The following DLC1 variants were observed in gnomAD, a reference collection of about 807,000 sequenced individuals.
DLC1 encodes the protein DLC1 Rho GTPase activating protein, also known as rho GTPase-activating protein 7.
In DLC1, 54 loss-of-function variants were observed where a neutral mutation model predicts 140.3. The observed-to-expected ratio is 0.38, with a 90% CI of 0.31 to 0.48. DLC1 has a LOEUF of 0.48. Among genes scored for constraint, DLC1 ranks in the 20% least tolerant of loss-of-function variants. DLC1 has a pLI of 0.96. For missense variants in DLC1, 2,536 were observed against 1,907.0 expected (o/e 1.33, Z -6.14); for synonymous variants, 986 against 728.1 (o/e 1.35, Z -5.70).
At chr8:13,550,312 T>G (rs1420717685) in intron 1 of DLC1, among the ~76,000 whole-genome samples, 1 of 152,124 alleles carries the variant, frequency 6.6e-6, no homozygotes, top group Non-Finnish European at 1.5e-5. Flanking sequence ...AAGAAGGTCC[T>G]TGCTTCCCCT....
chr8:13,472,823 G>T (rs1800270328), intron 2 of DLC1, among the ~76,000 whole-genome samples: 3 of 152,172 alleles, frequency 2.0e-5, no homozygotes, highest in African/African-American at 7.2e-5. Context: ...CAAGTGCTGT[G>T]TAAGTATATA....
At chr8:13,543,229 C>CT (rs577945564) in intron 1 of DLC1, among the ~76,000 whole-genome samples, 3 of 152,130 alleles carry the variant, frequency 2.0e-5, no homozygotes, top group Admixed American at 1.3e-4. Context: ...AGTAGGAAAT[C>CT]TTTTTTTGTA....
chr8:13,090,851 T>A (rs1485038803), intron 14 of DLC1, among the ~76,000 whole-genome samples: 1 of 150,882 alleles, frequency 6.6e-6, no homozygotes, highest in Admixed American at 6.6e-5. Flanking sequence ...TGTTACCTAG[T>A]GGAGTGCAGT....
chr8:13,531,154 T>C (rs921882666), intron 1 of DLC1, among the ~76,000 whole-genome samples: 5 of 152,178 alleles, frequency 3.3e-5, no homozygotes, highest in Non-Finnish European at 7.3e-5. Flanking sequence ...TTGCTCACCA[T>C]CTTCATCTTG....
At chr8:13,342,436 T>C (rs372889157) in intron 4 of DLC1, 1 of 152,202 alleles carries the variant, frequency 6.6e-6, no homozygotes, top group Admixed American at 6.5e-5. Context: ...AGTCTAGATA[T>C]TGCTGTGAAA....
chr8:13,353,781 C>T (rs148052954), intron 4 of DLC1, among the ~76,000 whole-genome samples: 15 of 151,654 alleles, frequency 9.9e-5, no homozygotes, highest in African/African-American at 3.4e-4. Flanking sequence ...TGCTTGAACC[C>T]GGGAGGCAGA....
intron 4 of DLC1, among the ~76,000 whole-genome samples, chr8:13,349,283 G>A (rs141611482): frequency 1.7e-3 from 251 of 152,098 alleles, no homozygotes; most frequent in African/African-American, 5.3e-3. Flanking sequence ...AGGAATGGAG[G>A]GTATGGCTTT....
chr8:13,221,986 T>G (rs1182012283), intron 5 of DLC1, among the ~76,000 whole-genome samples: 1 of 144,744 alleles, frequency 6.9e-6, no homozygotes, highest in Non-Finnish European at 1.5e-5. Context: ...TTATATATTA[T>G]ATAATATATA....
At chr8:13,220,757 A>G (rs907213732) in intron 5 of DLC1, among the ~76,000 whole-genome samples, 4 of 152,138 alleles carry the variant, frequency 2.6e-5, no homozygotes, top group Non-Finnish European at 5.9e-5. Flanking sequence ...TTAGGAACTA[A>G]ATATGTATAA....
At chr8:13,288,195 T>A (rs957438386) in intron 5 of DLC1, among the ~76,000 whole-genome samples, 1 of 152,214 alleles carries the variant, frequency 6.6e-6, no homozygotes, top group African/African-American at 2.4e-5. Context: ...TGATCACAGT[T>A]GTTATCTAAA....
rs113799968 is a variant in DLC1 at position 13,221,369 on chromosome 8, C to CT, written c.1348+83899dup. Among the ~76,000 whole-genome samples the CT allele has an allele frequency of 8.9e-3, 1,252 of 141,390 alleles. 17 individuals carry two copies. Among genetic ancestry groups the CT allele is most frequent in the African/African-American group, 0.027 (1,064 of 38,858 alleles). 92.8% of individuals were successfully genotyped at this position (141,390 alleles called of 152,430 possible). A position where few individuals can be genotyped will look rare whatever the true frequency, so the allele number is the denominator to read the frequency against. ...AAATTGCTTCCAAAGGTTTTCTTTT[C>CT]TTTTTTTTTTTTTTGTTTTGAGACG... On this transcript the variant is annotated intron_variant, in intron 5 of 17. Transcript: ENST00000276297.
At chr8:13,170,871 C>G (rs114898471) in intron 5 of DLC1, among the ~76,000 whole-genome samples, 1 of 151,974 alleles carries the variant, frequency 6.6e-6, no homozygotes, top group Non-Finnish European at 1.5e-5. Context: ...TGTTCTCAGT[C>G]GTGGGCTTTT....
intron 5 of DLC1, among the ~76,000 whole-genome samples, chr8:13,245,903 T>G (rs1829743874): frequency 6.6e-6 from 1 of 152,098 alleles, no homozygotes; most frequent in South Asian, 2.1e-4. Context: ...AGTTTCACCA[T>G]GTTGGACAGG....
chr8:13,160,289 A>G (rs1824588006), intron 5 of DLC1: 1 of 152,226 alleles, frequency 6.6e-6, no homozygotes, highest in Non-Finnish European at 1.5e-5. Flanking sequence ...AAAAATAAAA[A>G]AATTAAAAGG....
chr8:13,468,206 G>T (rs1800029876), intron 2 of DLC1, among the ~76,000 whole-genome samples: 1 of 152,058 alleles, frequency 6.6e-6, no homozygotes, highest in Non-Finnish European at 1.5e-5. Context: ...CCAGTAATTT[G>T]TCCATTTCAT....
At position 13,085,823 on chromosome 8, in the gene DLC1, GGT is replaced by G; in HGVS notation, c.4573_4574del (p.Thr1525GlnfsTer3). On this transcript the variant is annotated frameshift_variant, in exon 18 of 18. Transcript: ENST00000276297. LOFTEE classifies it high-confidence loss of function. ...GTTGCTTCAGTGATCACCTAGATTT[GGT>G]GTCTTTGGTTTCAGTGTTCTGGTTA... is the stretch of plus-strand genomic sequence containing the variant. ...FSNQNTETKD[T>X]KSR 1 of 1,614,084 alleles carries G rather than the reference GGT, an allele frequency of 6.2e-7. No homozygotes were observed. The highest frequency in any genetic ancestry group is 2.2e-5 in the East Asian group (1 of 44,870).
chr8:13,262,873 A>G (rs1306563069), intron 5 of DLC1, among the ~76,000 whole-genome samples: 1 of 152,246 alleles, frequency 6.6e-6, no homozygotes, highest in Non-Finnish European at 1.5e-5. Context: ...TTGAACTTCA[A>G]AACAGAATAA....
At chr8:13,565,624 C>T (rs1804400390) in intron 1 of DLC1, among the ~76,000 whole-genome samples, 1 of 151,950 alleles carries the variant, frequency 6.6e-6, no homozygotes, top group Non-Finnish European at 1.5e-5. Flanking sequence ...TCACTTTTTG[C>T]CAGAATGAAC....
At chr8:13,134,183 G>A (rs111685781) in intron 5 of DLC1, among the ~76,000 whole-genome samples, 23 of 152,336 alleles carry the variant, frequency 1.5e-4, no homozygotes, top group African/African-American at 2.2e-4. Flanking sequence ...AGGGATCACA[G>A]CTAAATATAG....
Sources: allele counts gnomAD v4.1 joint callset (sites outside exome capture counted in the v4.1 genomes callset), GRCh38; gene constraint gnomAD v4.1.1; transcripts MANE v1.5; gene names NCBI Gene and HGNC (gene_info 2026-07-23, HGNC 2026-07-21).